SRBD1: variants seen among roughly 807,000 people sequenced by gnomAD.
The protein encoded by SRBD1 is S1 RNA binding domain 1, also known as S1 RNA-binding domain-containing protein 1.
A neutral mutation model predicts 115.3 loss-of-function variants in SRBD1; 88 were observed. The ratio of observed to expected loss-of-function variants is 0.76; its 90% CI spans 0.64 to 0.91. The LOEUF is 0.91. Among genes scored for constraint, SRBD1 ranks in the 40% least tolerant of loss-of-function variants. The pLI, the probability that SRBD1 is intolerant of heterozygous loss-of-function variation, is 0.00. For synonymous variants in SRBD1, 509 were observed against 407.7 expected, an observed-to-expected ratio of 1.25 and a Z score of -2.99; for missense variants, 1,385 against 1,177.4, an observed-to-expected ratio of 1.18 and a Z score of -2.58.
intron 1 of SRBD1, among the ~76,000 whole-genome samples, chr2:45,606,789 C>T (rs1427872151): frequency 6.6e-6 from 1 of 152,166 alleles, no homozygotes; most frequent in East Asian, 1.9e-4. Flanking sequence ...TAAGTGGCTG[C>T]CTGATATTAT....
intron 4 of SRBD1, among the ~76,000 whole-genome samples, chr2:45,590,038 A>C (rs1381134633): frequency 1.3e-5 from 2 of 152,260 alleles, no homozygotes; most frequent in African/African-American, 4.8e-5. Context: ...CCAGGCAGCT[A>C]AACAGGGAGG....
In SRBD1 at chr2:45,571,517, C is replaced by CAAAAAAAAAAAAAAAAAAAAAAAAAAAAA. The variant is rs58100763; in HGVS notation, c.1305+1689_1305+1690insTTTTTTTTTTTTTTTTTTTTTTTTTTTTT. 1.0e-3 allele frequency among the ~76,000 whole-genome samples: 41 copies of CAAAAAAAAAAAAAAAAAAAAAAAAAAAAA among 39,404 alleles called. 4 individuals are homozygous for CAAAAAAAAAAAAAAAAAAAAAAAAAAAAA. The highest frequency in any genetic ancestry group is 4.7e-3 in the East Asian group (5 of 1,066). 25.9% of individuals were successfully genotyped at this position (39,404 alleles called of 152,430 possible). On this transcript the variant is annotated intron_variant, in intron 9 of 20. Transcript: ENST00000263736. ...AAAATACAACATATCCAGACTTTACCAAAAAAAAAAAAAAAAAAAAAAAAA... is the reference window on the plus strand; with the variant it reads ...AAAATACAACATATCCAGACTTTACCAAAAAAAAAAAAAAAAAAAAAAAAAAAAAAAAAAAAAAAAAAAAAAAAAAAAAA...
At chr2:45,395,799 T>C (rs997810094) in intron 19 of SRBD1, among the ~76,000 whole-genome samples, 13 of 152,304 alleles carry the variant, frequency 8.5e-5, no homozygotes, top group South Asian at 2.1e-4. Context: ...TAGGAAACAA[T>C]GTTTTATGCT....
chr2:45,393,441 C>T (rs534295217), intron 19 of SRBD1, among the ~76,000 whole-genome samples: 1 of 152,284 alleles, frequency 6.6e-6, no homozygotes, highest in Admixed American at 6.5e-5. Context: ...AGTGCAGTGA[C>T]AAGATCTCAG....
At chr2:45,570,654 T>C (rs540576847) in intron 9 of SRBD1, among the ~76,000 whole-genome samples, 1 of 152,172 alleles carries the variant, frequency 6.6e-6, no homozygotes, top group Non-Finnish European at 1.5e-5. Context: ...CAGAAAGAAG[T>C]TGCAGAATTT....
intron 14 of SRBD1, among the ~76,000 whole-genome samples, chr2:45,495,282 G>A: frequency 6.6e-6 from 1 of 152,128 alleles, no homozygotes; most frequent in East Asian, 1.9e-4. Context: ...AAACTTCACA[G>A]AGATGACAAA....
chr2:45,434,975 G>A (rs1668447349), intron 16 of SRBD1, among the ~76,000 whole-genome samples: 2 of 149,716 alleles, frequency 1.3e-5, no homozygotes, highest in East Asian at 2.0e-4. Context: ...CTGTGTCCAC[G>A]TGTTCTCATC....
At position 45,562,643 on chromosome 2, in the gene SRBD1, G is replaced by C. The variant is rs577193391; in HGVS notation, c.1409+10C>G. 1.0e-5 allele frequency: 16 copies of C among 1,583,490 alleles called. No homozygotes were observed. The East Asian group carries it at 3.6e-4, about 36-fold the overall frequency. On this transcript the variant is annotated intron_variant, in intron 10 of 20. Coordinates refer to ENST00000263736, the MANE Select transcript of SRBD1 (RefSeq NM_018079.5). ...AACAAAGAAAATTCTGTAAATATCT[G>C]TAAACAGACCTGTTTTGGATGCACC...
intron 14 of SRBD1, among the ~76,000 whole-genome samples, chr2:45,494,259 T>C (rs985321995): frequency 9.2e-5 from 14 of 152,200 alleles, no homozygotes; most frequent in Admixed American, 3.3e-4. Flanking sequence ...TTACTTTAAT[T>C]GTATTCTTGT....
chr2:45,558,361 C>A (rs1572774672), intron 10 of SRBD1, among the ~76,000 whole-genome samples: 1 of 152,096 alleles, frequency 6.6e-6, no homozygotes, highest in African/African-American at 2.4e-5. Context: ...ATTTAGAGAG[C>A]AAATGCAGAA....
intron 7 of SRBD1, among the ~76,000 whole-genome samples, chr2:45,576,502 A>G (rs980634717): frequency 6.6e-6 from 1 of 152,234 alleles, no homozygotes; most frequent in African/African-American, 2.4e-5. Context: ...AGAAATTTAA[A>G]GAAAGAAATG....
chr2:45,602,546 A>C (rs1296041049), intron 2 of SRBD1, among the ~76,000 whole-genome samples: 1 of 152,222 alleles, frequency 6.6e-6, no homozygotes, highest in African/African-American at 2.4e-5. Flanking sequence ...TAGGAAACAC[A>C]CTAAATTACA....
At chr2:45,588,732 G>T (rs1046204699) in intron 4 of SRBD1, among the ~76,000 whole-genome samples, 4 of 152,142 alleles carry the variant, frequency 2.6e-5, no homozygotes, top group Non-Finnish European at 4.4e-5. Flanking sequence ...TTAAGATTTG[G>T]GCTGGAACTT....
intron 10 of SRBD1, among the ~76,000 whole-genome samples, chr2:45,559,950 G>A (rs1013112645): frequency 1.1e-4 from 16 of 152,022 alleles, no homozygotes; most frequent in African/African-American, 3.1e-4. Context: ...GTGTGGTGGT[G>A]CGCACCTGTA....
At chr2:45,482,862 C>T (rs1310827047) in intron 15 of SRBD1, among the ~76,000 whole-genome samples, 1 of 151,988 alleles carries the variant, frequency 6.6e-6, no homozygotes, top group Admixed American at 6.6e-5. Flanking sequence ...CATACCCTGC[C>T]ATTTACTTTA....
At chr2:45,486,146 C>T (rs1298328209) in intron 15 of SRBD1, among the ~76,000 whole-genome samples, 1 of 152,076 alleles carries the variant, frequency 6.6e-6, no homozygotes, top group African/African-American at 2.4e-5. Flanking sequence ...TTCTGTCTCA[C>T]CTATAATACT....
At chr2:45,434,269 T>C (rs1213847808) in intron 16 of SRBD1, among the ~76,000 whole-genome samples, 1 of 152,222 alleles carries the variant, frequency 6.6e-6, no homozygotes, top group Non-Finnish European at 1.5e-5. Context: ...ATAGCCTTAC[T>C]CAAGTCATGG....
intron 14 of SRBD1, among the ~76,000 whole-genome samples, chr2:45,495,375 A>G (rs2103875821): frequency 6.6e-6 from 1 of 152,352 alleles, no homozygotes; most frequent in African/African-American, 2.4e-5. Context: ...TTTGTTTCCT[A>G]TTTGTAGATT....
At chr2:45,454,577 A>G (rs1669095472) in intron 16 of SRBD1, among the ~76,000 whole-genome samples, 1 of 151,810 alleles carries the variant, frequency 6.6e-6, no homozygotes, top group African/African-American at 2.4e-5. Flanking sequence ...TGCAAACCCC[A>G]CTTTTACCAC....
Sources: gnomAD v4.1 joint callset for allele counts (sites outside exome capture counted in the v4.1 genomes callset) on GRCh38, gnomAD v4.1.1 for gene constraint, MANE v1.5 for transcripts, NCBI Gene and HGNC (gene_info 2026-07-23, HGNC 2026-07-21) for gene names.